The following RBMS3 variants were observed in gnomAD, a reference collection of about 807,000 sequenced individuals.
The protein encoded by RBMS3 is RNA binding motif single stranded interacting protein 3, also known as RNA-binding motif, single-stranded-interacting protein 3.
RBMS3 carries 27 observed loss-of-function variants against 66.8 expected under a neutral mutation model. That is an observed-to-expected ratio of 0.40 (90% confidence interval 0.30 to 0.56). The LOEUF (loss-of-function observed/expected upper bound fraction) is 0.56. RBMS3 is among the 20% of genes least tolerant of loss of function. RBMS3 has a pLI of 0.40. For missense variants in RBMS3, 513 were observed against 549.5 expected, an observed-to-expected ratio of 0.93 and a Z score of 0.66; for synonymous variants, 188 against 183.0, an observed-to-expected ratio of 1.03 and a Z score of -0.22.
chr3:29,873,613 C>T (rs2059543288), intron 7 of RBMS3, among the ~76,000 whole-genome samples: 1 of 152,106 alleles, frequency 6.6e-6, no homozygotes, highest in East Asian at 1.9e-4. Flanking sequence ...GCTAGGACTT[C>T]CAATACTGTG....
intron 10 of RBMS3, among the ~76,000 whole-genome samples, chr3:29,902,348 T>C (rs1218006708): frequency 6.6e-6 from 1 of 151,920 alleles, no homozygotes; most frequent in Admixed American, 6.6e-5. Context: ...ATTATCCCAG[T>C]TTTATCAAAT....
chr3:29,836,077 A>C (rs2058500141), intron 6 of RBMS3, among the ~76,000 whole-genome samples: 1 of 152,022 alleles, frequency 6.6e-6, no homozygotes, highest in African/African-American at 2.4e-5. Context: ...TGAAACAGAA[A>C]ATCTGAATAG....
intron 2 of RBMS3, among the ~76,000 whole-genome samples, chr3:29,472,729 G>A (rs911570336): frequency 1.3e-5 from 2 of 148,562 alleles, no homozygotes; most frequent in Non-Finnish European, 3.0e-5. Flanking sequence ...GGCTTCAGGA[G>A]TGAAGCTGCA....
chr3:29,349,008 G>A (rs979812929), intron 1 of RBMS3, among the ~76,000 whole-genome samples: 10 of 152,122 alleles, frequency 6.6e-5, no homozygotes, highest in Non-Finnish European at 1.0e-4. Context: ...GGGTAGGGGA[G>A]GACAGGTGAG....
intron 4 of RBMS3, among the ~76,000 whole-genome samples, chr3:29,700,073 A>G (rs887887876): frequency 1.3e-5 from 2 of 152,188 alleles, no homozygotes; most frequent in African/African-American, 4.8e-5. Context: ...TCTAAGGTAG[A>G]TGCTCGGTTT....
intron 1 of RBMS3, among the ~76,000 whole-genome samples, chr3:29,343,670 G>C (rs114306350): frequency 1.3e-3 from 198 of 152,286 alleles, no homozygotes; most frequent in African/African-American, 4.6e-3. Flanking sequence ...TTGGTGAACT[G>C]AAGGCACTGA....
intron 4 of RBMS3, among the ~76,000 whole-genome samples, chr3:29,713,687 G>A (rs1466928556): frequency 6.6e-6 from 1 of 152,126 alleles, no homozygotes; most frequent in African/African-American, 2.4e-5. Flanking sequence ...CATATACAGT[G>A]TCTCTGCTTC....
At chr3:29,547,914 C>A (rs2046027634) in intron 3 of RBMS3, among the ~76,000 whole-genome samples, 1 of 150,642 alleles carries the variant, frequency 6.6e-6, no homozygotes, top group Non-Finnish European at 1.5e-5. Context: ...CATGTCTCAG[C>A]CTCCTGAGTA....
intron 4 of RBMS3, among the ~76,000 whole-genome samples, chr3:29,643,559 C>T (rs963711659): frequency 5.3e-5 from 8 of 152,082 alleles, no homozygotes; most frequent in African/African-American, 1.2e-4. Flanking sequence ...GGTACATTCA[C>T]GGATCCATAT....
intron 1 of RBMS3, among the ~76,000 whole-genome samples, chr3:29,384,585 C>G (rs1559536674): frequency 6.6e-6 from 1 of 152,128 alleles, no homozygotes; most frequent in Admixed American, 6.5e-5. Flanking sequence ...TTGAAACTAC[C>G]TGTGTCGTAA....
At chr3:29,557,026 C>T (rs1172120601) in intron 3 of RBMS3, among the ~76,000 whole-genome samples, 1 of 152,188 alleles carries the variant, frequency 6.6e-6, no homozygotes, top group Non-Finnish European at 1.5e-5. Flanking sequence ...GACTGCTTCT[C>T]TTTCTCTGTC....
intron 6 of RBMS3, among the ~76,000 whole-genome samples, chr3:29,806,916 C>A (rs1025683037): frequency 5.9e-5 from 9 of 151,814 alleles, no homozygotes; most frequent in African/African-American, 2.2e-4. Flanking sequence ...ATTCTTTTGC[C>A]ATATAGTGGC....
chr3:29,883,072 AC>A (rs1246165346), intron 7 of RBMS3, among the ~76,000 whole-genome samples: 2 of 152,072 alleles, frequency 1.3e-5, no homozygotes, highest in African/African-American at 2.4e-5. Flanking sequence ...AAAAAAATCT[AC>A]CCTAAAGATA....
At chr3:29,956,930 G>A (rs968606422) in intron 12 of RBMS3, among the ~76,000 whole-genome samples, 3 of 151,972 alleles carry the variant, frequency 2.0e-5, no homozygotes, top group African/African-American at 4.8e-5. Flanking sequence ...CTGTTCTCCC[G>A]CCATAATGAA....
At chr3:29,615,586 G>A (rs1334317086) in intron 4 of RBMS3, among the ~76,000 whole-genome samples, 1 of 151,726 alleles carries the variant, frequency 6.6e-6, no homozygotes, top group Non-Finnish European at 1.5e-5. Flanking sequence ...ACAATAAAAA[G>A]ATGTATTTTA....
At chr3:29,675,694 T>TCTTCAGAGA (rs1455683353) in intron 4 of RBMS3, among the ~76,000 whole-genome samples, 1 of 152,174 alleles carries the variant, frequency 6.6e-6, no homozygotes, top group Non-Finnish European at 1.5e-5. Context: ...TCATCACTGG[T>TCTTCAGAGA]CTTCAGAGAA....
At chr3:29,979,593 C>T (rs994007806) in intron 12 of RBMS3, among the ~76,000 whole-genome samples, 2 of 152,146 alleles carry the variant, frequency 1.3e-5, no homozygotes, top group Admixed American at 6.5e-5. Flanking sequence ...CCTAGCCCCC[C>T]ACCACCTGAC....
At chr3:29,946,345 A>G (rs1172721589) in intron 12 of RBMS3, among the ~76,000 whole-genome samples, 1 of 151,686 alleles carries the variant, frequency 6.6e-6, no homozygotes, top group East Asian at 1.9e-4. Context: ...ACTCTTTGCC[A>G]GTGTAGAATC....
At chr3:29,548,528 G>T (rs1326435546) in intron 3 of RBMS3, among the ~76,000 whole-genome samples, 2 of 151,598 alleles carry the variant, frequency 1.3e-5, no homozygotes, top group African/African-American at 4.8e-5. Flanking sequence ...TATGATATAT[G>T]ATTAAACATA....
Sources: allele counts gnomAD v4.1 joint callset (sites outside exome capture counted in the v4.1 genomes callset), GRCh38; gene constraint gnomAD v4.1.1; transcripts MANE v1.5; gene names NCBI Gene and HGNC (gene_info 2026-07-23, HGNC 2026-07-21).